Variants in HAT1 observed in about 807,000 individuals in gnomAD.
HAT1 encodes histone acetyltransferase 1.
HAT1 carries 20 observed loss-of-function variants against 56.6 expected under a neutral mutation model. That is an observed-to-expected ratio of 0.35 (90% confidence interval 0.25 to 0.51). The LOEUF is 0.51. HAT1 is among the 20% of genes least tolerant of loss of function. HAT1 has a pLI of 0.95. For missense variants in HAT1, 408 were observed against 504.3 expected, an observed-to-expected ratio of 0.81 and a Z score of 1.83; for synonymous variants, 146 against 165.5, an observed-to-expected ratio of 0.88 and a Z score of 0.91.
intron 3 of HAT1, 124 bp downstream of exon 3, chr2:171,946,907 A>C: frequency 1.7e-6 from 1 of 580,438 alleles, no homozygotes; most frequent in Non-Finnish European, 3.0e-6. Context: ...ATCTTAAAAT[A>C]TATGTTATAA....
chr2:171,970,284 G>T (rs1419852334), intron 8 of HAT1, among the ~76,000 whole-genome samples: 1 of 151,366 alleles, frequency 6.6e-6, no homozygotes, highest in Non-Finnish European at 1.5e-5. Flanking sequence ...AGCCAGGCGT[G>T]GTGGCATGCA....
rs774792539 is a variant in HAT1 at position 171,965,312 on chromosome 2, A to C, written c.310-26A>C. 5 of 1,379,728 alleles carry C rather than the reference A, an allele frequency of 3.6e-6. No individual in the cohort carries two copies. In the Admixed American group the frequency reaches 6.3e-5, roughly 17 times the overall value. 85.5% of individuals were successfully genotyped at this position (1,379,728 alleles called of 1,614,324 possible). On this transcript the variant is annotated intron_variant, in intron 4 of 10. Coordinates refer to ENST00000264108, the MANE Select transcript of HAT1 (RefSeq NM_003642.4). Reference sequence around the variant, plus strand: ...TCAACTTAAAGTCGAATTTGTTATTAATTTTTTATATCCTTTATTCTTTAG... The same window carrying C: ...TCAACTTAAAGTCGAATTTGTTATTCATTTTTTATATCCTTTATTCTTTAG...
rs375219165 is a variant in HAT1 at position 171,974,635 on chromosome 2, C to A, written c.824-1522C>A. Among the ~76,000 whole-genome samples the A allele has an allele frequency of 1.2e-4, 18 of 152,332 alleles. No individual in the cohort carries two copies. The South Asian group carries it at 3.5e-3, about 30-fold the overall frequency. ...GACTGGCAATGGTGAAAGCAGACAT[C>A]TATGCCTTGCTCCCAGTTTTAGAGG... On this transcript the variant is annotated intron_variant, in intron 8 of 10. Coordinates refer to ENST00000264108, the MANE Select transcript of HAT1 (RefSeq NM_003642.4).
chr2:171,923,991 G>C (rs1015116600), intron 1 of HAT1: 1 of 152,058 alleles, frequency 6.6e-6, no homozygotes, highest in Non-Finnish European at 1.5e-5. Context: ...GGGTCAGAGG[G>C]GTTAAGTAAT....
intron 4 of HAT1, among the ~76,000 whole-genome samples, chr2:171,960,209 C>T (rs997783900): frequency 1.3e-5 from 2 of 152,058 alleles, no homozygotes; most frequent in Non-Finnish European, 2.9e-5. Flanking sequence ...AAAGAAGAGA[C>T]CGGAACATTG....
intron 3 of HAT1, among the ~76,000 whole-genome samples, chr2:171,951,538 G>A (rs550652446): frequency 6.6e-6 from 1 of 151,218 alleles, no homozygotes; most frequent in Admixed American, 6.6e-5. Flanking sequence ...TCCTGCCTCA[G>A]CCTCTTGAGT....
At chr2:171,931,072 G>A (rs1401461554) in intron 2 of HAT1, among the ~76,000 whole-genome samples, 1 of 152,070 alleles carries the variant, frequency 6.6e-6, no homozygotes, top group African/African-American at 2.4e-5. Context: ...ACCAAAATCT[G>A]CCGATGATCC....
At chr2:171,923,991 G>A (rs1015116600) in intron 1 of HAT1, 2 of 152,058 alleles carry the variant, frequency 1.3e-5, no homozygotes, top group African/African-American at 2.4e-5. Context: ...GGGTCAGAGG[G>A]GTTAAGTAAT....
chr2:171,968,845 G>A (rs1687746695), intron 8 of HAT1, among the ~76,000 whole-genome samples: 1 of 151,946 alleles, frequency 6.6e-6, no homozygotes, highest in Admixed American at 6.6e-5. Flanking sequence ...TAGCTTTGTG[G>A]TTCTTTTGCA....
rs115773682 is a variant in HAT1, at chr2:171,935,833, T to C, written c.112+10192T>C. On this transcript the variant is annotated intron_variant, in intron 2 of 10. Transcript: ENST00000264108. ...TGAGGTTGCAGTGAGCTGTGATTGG[T>C]TGTGCCACAACACTCCAGCCTGGGT... Among the ~76,000 whole-genome samples, 767 of 152,044 alleles carry C rather than the reference T, an allele frequency of 5.0e-3. 13 individuals carry two copies. The highest frequency in any genetic ancestry group is 0.017 in the African/African-American group (721 of 41,444).
intron 9 of HAT1, among the ~76,000 whole-genome samples, chr2:171,977,116 T>C (rs1352137270): frequency 6.6e-6 from 1 of 150,484 alleles, no homozygotes; most frequent in Non-Finnish European, 1.5e-5. Flanking sequence ...GAGGTTGCAG[T>C]GAGCTGAGAT....
intron 8 of HAT1, 32 bp downstream of exon 8, chr2:171,966,981 C>G (rs753844224): frequency 2.2e-6 from 2 of 925,980 alleles, no homozygotes; most frequent in Non-Finnish European, 3.5e-6. Flanking sequence ...ACTGAAAGAG[C>G]CTTTCTAAAA....
In HAT1 at chr2:171,932,883, GT is replaced by G. The variant is rs371661576; in HGVS notation, c.112+7243del. On this transcript the variant is annotated intron_variant, in intron 2 of 10. Transcript: ENST00000264108. ...GACGCTGTCTCAAAAAATAAAATAA[GT>G]GACTCTAGAATCTATAATCCCTTCT... is the stretch of plus-strand genomic sequence containing the variant. Among the ~76,000 whole-genome samples the G allele has an allele frequency of 9.0e-4, 137 of 151,964 alleles. 1 individual carries two copies. Among genetic ancestry groups the G allele is most frequent in the African/African-American group, 3.1e-3 (129 of 41,462 alleles).
chr2:171,926,453 C>T (rs1355576116), intron 2 of HAT1, among the ~76,000 whole-genome samples: 2 of 152,180 alleles, frequency 1.3e-5, no homozygotes, highest in Non-Finnish European at 2.9e-5. Context: ...GCCACCACGC[C>T]CGGCTAATTT....
intron 9 of HAT1, among the ~76,000 whole-genome samples, 177 bp downstream of exon 9, chr2:171,976,485 C>T (rs1687969795): frequency 6.6e-6 from 1 of 152,126 alleles, no homozygotes; most frequent in South Asian, 2.1e-4. Context: ...AACACTTGCT[C>T]TGTGATTTAT....
chr2:171,952,873 C>T lies in HAT1; in HGVS notation c.189-8C>T. On this transcript the variant is annotated splice_polypyrimidine_tract_variant and splice_region_variant and intron_variant, in intron 3 of 10. Transcript: ENST00000264108. ...TTCATTCCATTATTGCTATTTTTTC[C>T]ATTTCAGTGAAACTGCTTTTGGTTA... 2 of 1,568,894 alleles carry T rather than the reference C, an allele frequency of 1.3e-6. No individual in the cohort carries two copies. Among genetic ancestry groups the T allele is most frequent in the Non-Finnish European group, 8.7e-7 (1 of 1,155,136 alleles).
At chr2:171,970,115 G>A (rs576801593) in intron 8 of HAT1, among the ~76,000 whole-genome samples, 101 of 152,248 alleles carry the variant, frequency 6.6e-4, no homozygotes, top group African/African-American at 2.4e-3. Context: ...AGCTGTGATT[G>A]CGCTATTGCA....
chr2:171,938,640 A>G (rs1356665330), intron 2 of HAT1, among the ~76,000 whole-genome samples: 2 of 152,152 alleles, frequency 1.3e-5, no homozygotes, highest in Non-Finnish European at 2.9e-5. Context: ...CAAGGATAAG[A>G]TGTTGAGAAT....
chr2:171,982,572 C>A (rs1688158927), intron 10 of HAT1, among the ~76,000 whole-genome samples: 1 of 152,194 alleles, frequency 6.6e-6, no homozygotes, highest in South Asian at 2.1e-4. Context: ...CTACCTGTTG[C>A]AAACTCCTTA....
Sources: gnomAD v4.1 joint callset for allele counts (sites outside exome capture counted in the v4.1 genomes callset) on GRCh38, gnomAD v4.1.1 for gene constraint, MANE v1.5 for transcripts, NCBI Gene and HGNC (gene_info 2026-07-23, HGNC 2026-07-21) for gene names.